Variants in EXOC6B observed in about 807,000 individuals in gnomAD.
EXOC6B encodes the protein SEC15 homolog B.
EXOC6B carries 54 observed loss-of-function variants against 113.5 expected under a neutral mutation model. The ratio of observed to expected loss-of-function variants is 0.48; its 90% CI spans 0.38 to 0.60. The LOEUF (loss-of-function observed/expected upper bound fraction) is 0.60, where lower values mean the gene tolerates loss of function less well. Among genes scored for constraint, EXOC6B ranks in the 20% least tolerant of loss-of-function variants. The pLI, the probability that EXOC6B is intolerant of heterozygous loss-of-function variation, is 0.00. For synonymous variants in EXOC6B, 357 were observed against 339.0 expected (o/e 1.05, Z -0.58); for missense variants, 797 against 977.5 (o/e 0.82, Z 2.46).
chr2:72,370,268 T>C (rs1690914728), intron 19 of EXOC6B, among the ~76,000 whole-genome samples: 1 of 152,108 alleles, frequency 6.6e-6, no homozygotes, highest in Admixed American at 6.5e-5. Context: ...AAAATGCTCA[T>C]CATCACTAGC....
chr2:72,818,552 C>T (rs1046002240), intron 1 of EXOC6B, among the ~76,000 whole-genome samples: 4 of 152,136 alleles, frequency 2.6e-5, no homozygotes, highest in South Asian at 2.1e-4. Flanking sequence ...TCCTTGGCCT[C>T]CCAAAGTGCA....
intron 21 of EXOC6B, among the ~76,000 whole-genome samples, chr2:72,181,558 G>A (rs2104206371): frequency 6.6e-6 from 1 of 152,214 alleles, no homozygotes; most frequent in Non-Finnish European, 1.5e-5. Context: ...AAAAAGAAAT[G>A]AAGAAAACCA....
chr2:72,769,182 G>T (rs1397824752), intron 1 of EXOC6B, among the ~76,000 whole-genome samples: 1 of 152,124 alleles, frequency 6.6e-6, no homozygotes, highest in Admixed American at 6.6e-5. Flanking sequence ...CAAAATAAAT[G>T]AGTCCTTCAC....
chr2:72,673,930 C>T (rs1252829651), intron 6 of EXOC6B, among the ~76,000 whole-genome samples: 5 of 151,928 alleles, frequency 3.3e-5, no homozygotes, highest in Non-Finnish European at 5.9e-5. Flanking sequence ...AGACCCATAA[C>T]AGAAAAATTA....
At chr2:72,791,705 GGATA>G (rs1684681902) in intron 1 of EXOC6B, among the ~76,000 whole-genome samples, 1 of 152,190 alleles carries the variant, frequency 6.6e-6, no homozygotes, top group Non-Finnish European at 1.5e-5. Context: ...AATACCCAAA[GGATA>G]TGTATCTACA....
chr2:72,743,934 T>C (rs1417847009), intron 1 of EXOC6B, among the ~76,000 whole-genome samples: 1 of 152,114 alleles, frequency 6.6e-6, no homozygotes, highest in Non-Finnish European at 1.5e-5. Context: ...ATAATAATGT[T>C]TTAGTTAACG....
At position 72,177,716 on chromosome 2, in the gene EXOC6B, G is replaced by C. The variant is rs1309040267; in HGVS notation, c.*1619C>G. 1 of 152,160 alleles carries C rather than the reference G, an allele frequency of 6.6e-6. No individual in the cohort carries two copies. Among genetic ancestry groups the C allele is most frequent in the Non-Finnish European group, 1.5e-5 (1 of 68,044 alleles). The allele number at this position is 152,160 out of a possible 1,614,324, so 9.4% of individuals were successfully genotyped here. ...TAGGATATGGTGAGGTAGGGGGGTT[G>C]GGGAGGGGCAAGGAAGTACTTCCCT... On this transcript the variant is annotated 3_prime_UTR_variant, in exon 22 of 22. Transcript: ENST00000272427.
rs115607651 is a variant in EXOC6B at position 72,503,572 on chromosome 2, C to T, written c.1168-3600G>A. ...AATAATATTCCATTATATGAATGTA[C>T]CACAGTTTGTTTCTCCATTCACCCA... On this transcript the variant is annotated intron_variant, in intron 11 of 21. Coordinates refer to ENST00000272427, the MANE Select transcript of EXOC6B (RefSeq NM_015189.3). Among the ~76,000 whole-genome samples the T allele has an allele frequency of 4.6e-3, 696 of 152,228 alleles. 4 individuals carry two copies. The highest frequency in any genetic ancestry group is 0.016 in the African/African-American group (650 of 41,534).
chr2:72,507,691 T>C (rs1700666171), intron 11 of EXOC6B, among the ~76,000 whole-genome samples: 1 of 152,020 alleles, frequency 6.6e-6, no homozygotes, highest in Non-Finnish European at 1.5e-5. Flanking sequence ...GAACTAATGA[T>C]TTTTTAAAAA....
chr2:72,282,742 C>T (rs1685203437), intron 20 of EXOC6B, among the ~76,000 whole-genome samples: 2 of 152,098 alleles, frequency 1.3e-5, no homozygotes, highest in South Asian at 4.2e-4. Context: ...CATGCAAATG[C>T]TAGCCAAAAT....
At chr2:72,503,074 A>C (rs1166112768) in intron 11 of EXOC6B, among the ~76,000 whole-genome samples, 1 of 152,098 alleles carries the variant, frequency 6.6e-6, no homozygotes, top group Non-Finnish European at 1.5e-5. Context: ...TTCCCCTGTT[A>C]TAATAACTTG....
At chr2:72,439,161 AT>A (rs895524662) in intron 18 of EXOC6B, among the ~76,000 whole-genome samples, 157 of 152,346 alleles carry the variant, frequency 1.0e-3, no homozygotes, top group African/African-American at 3.7e-3. Flanking sequence ...GTAAAGCAAC[AT>A]AGAACAGTTA....
At chr2:72,574,549 G>C (rs1337564381) in intron 7 of EXOC6B, among the ~76,000 whole-genome samples, 1 of 152,104 alleles carries the variant, frequency 6.6e-6, no homozygotes, top group Non-Finnish European at 1.5e-5. Flanking sequence ...ACAAGTATGG[G>C]GAAGAAATAG....
chr2:72,729,872 A>G (rs115776804), intron 5 of EXOC6B, among the ~76,000 whole-genome samples: 1,937 of 152,290 alleles, frequency 0.013, 21 homozygotes, highest in Non-Finnish European at 0.017. Flanking sequence ...TTTAATGTCT[A>G]ATGATTCAGC....
At chr2:72,392,478 T>G (rs1379553098) in intron 18 of EXOC6B, among the ~76,000 whole-genome samples, 1 of 152,236 alleles carries the variant, frequency 6.6e-6, no homozygotes, top group East Asian at 1.9e-4. Flanking sequence ...TTGATACAAT[T>G]TGTCTATTCT....
chr2:72,442,693 A>C (rs1400059658), intron 18 of EXOC6B, among the ~76,000 whole-genome samples: 2 of 152,202 alleles, frequency 1.3e-5, no homozygotes, highest in African/African-American at 4.8e-5. Context: ...GGGAGGTAAA[A>C]GATCTCTGCA....
At chr2:72,539,052 A>G (rs1199223151) in intron 8 of EXOC6B, among the ~76,000 whole-genome samples, 2 of 152,180 alleles carry the variant, frequency 1.3e-5, no homozygotes, top group Non-Finnish European at 2.9e-5. Flanking sequence ...CAATGGGATA[A>G]GTTCAAAGTA....
rs573661393 is a variant in EXOC6B at position 72,502,173 on chromosome 2, T to C, written c.1168-2201A>G. ...CTATGAATTGTACTAATTTTTGGCATACATTTTATTTAATCCTATCTCATC... is the reference window on the plus strand; with the variant it reads ...CTATGAATTGTACTAATTTTTGGCACACATTTTATTTAATCCTATCTCATC... On this transcript the variant is annotated intron_variant, in intron 11 of 21. Coordinates refer to ENST00000272427, the MANE Select transcript of EXOC6B (RefSeq NM_015189.3). 1.2e-4 allele frequency among the ~76,000 whole-genome samples: 19 copies of C among 152,384 alleles called. No homozygotes were observed. The East Asian group carries it at 2.5e-3, about 20-fold the overall frequency.
intron 6 of EXOC6B, among the ~76,000 whole-genome samples, chr2:72,630,499 G>A (rs546111017): frequency 2.6e-5 from 4 of 152,124 alleles, no homozygotes; most frequent in South Asian, 2.1e-4. Context: ...TTAAATTCCC[G>A]GAGTTAACTG....
Sources: allele counts gnomAD v4.1 joint callset (sites outside exome capture counted in the v4.1 genomes callset), GRCh38; gene constraint gnomAD v4.1.1; transcripts MANE v1.5; gene names NCBI Gene and HGNC (gene_info 2026-07-23, HGNC 2026-07-21).